The following ZNF678 variants were observed in gnomAD, a reference collection of about 807,000 sequenced individuals.
The protein encoded by ZNF678 is hypothetical protein MGC42493.
In ZNF678, 5 loss-of-function variants were observed where a neutral mutation model predicts 3.0. The observed-to-expected ratio is 1.69, with a 90% confidence interval of 0.88 to 3.56. ZNF678 has a LOEUF of 3.56. ZNF678 is among the 30% of genes most tolerant of loss of function. The probability of loss-of-function intolerance (pLI) is 0.00; values close to 1 mark genes in which losing one functional copy is unlikely to be tolerated. For missense variants in ZNF678, 593 were observed against 605.0 expected (o/e 0.98, Z 0.21); for synonymous variants, 218 against 199.6 (o/e 1.09, Z -0.78).
chr1:227,573,651 G>A (rs1166242476), intron 1 of ZNF678, among the ~76,000 whole-genome samples: 2 of 120,684 alleles, frequency 1.7e-5, no homozygotes, highest in African/African-American at 7.1e-5. Context: ...TTAGCACTCA[G>A]TACTGCTTTT....
chr1:227,606,537 C>T (rs1191465238), intron 1 of ZNF678, among the ~76,000 whole-genome samples: 1 of 152,188 alleles, frequency 6.6e-6, no homozygotes, highest in Non-Finnish European at 1.5e-5. Flanking sequence ...GAATCAGAGG[C>T]CTTCCTCTTA....
chr1:227,580,559 A>G (rs951308517), intron 1 of ZNF678, among the ~76,000 whole-genome samples: 15 of 152,270 alleles, frequency 9.9e-5, no homozygotes, highest in African/African-American at 3.6e-4. Context: ...TTCTGTCAAG[A>G]ACATTAACAT....
chr1:227,603,119 A>G (rs1657776459), intron 1 of ZNF678, among the ~76,000 whole-genome samples: 1 of 152,186 alleles, frequency 6.6e-6, no homozygotes, highest in Non-Finnish European at 1.5e-5. Flanking sequence ...TGGCTGCCTC[A>G]GCATCTCCAC....
intron 5 of ZNF678, among the ~76,000 whole-genome samples, chr1:227,669,646 CAA>C (rs113306077): frequency 1.9e-4 from 26 of 138,350 alleles, no homozygotes; most frequent in Middle Eastern, 3.9e-3. Flanking sequence ...GAGACCGTCT[CAA>C]AAAAAAAAAA....
In ZNF678 at chr1:227,638,623, T is replaced by C. The variant is rs1457789664; in HGVS notation, c.-163-7921T>C. On this transcript the variant is annotated intron_variant, in intron 1 of 3. Coordinates refer to ENST00000343776, the MANE Select transcript of ZNF678 (RefSeq NM_001367909.1). This position sits in a 1 kb window ranked among gnomAD's most constrained non-coding sequence, Gnocchi z 4.2. Reference sequence around the variant, plus strand: ...GTTTTAAGGTGGGAGGTTGGAGGAGTAGAAGAAAGTTAGAAGTACCACAGG... The same window carrying C: ...GTTTTAAGGTGGGAGGTTGGAGGAGCAGAAGAAAGTTAGAAGTACCACAGG... 1.3e-5 allele frequency among the ~76,000 whole-genome samples: 2 copies of C among 151,188 alleles called. No homozygotes were observed. Among genetic ancestry groups the C allele is most frequent in the Non-Finnish European group, 2.9e-5 (2 of 67,814 alleles).
At chr1:227,672,293 A>C (rs1659615174) in intron 5 of ZNF678, among the ~76,000 whole-genome samples, 1 of 152,098 alleles carries the variant, frequency 6.6e-6, no homozygotes, top group African/African-American at 2.4e-5. Flanking sequence ...AAAAGGGAGA[A>C]ATTTCTGAGT....
chr1:227,679,534 T>A (rs1393423509), downstream of ZNF678, among the ~76,000 whole-genome samples: 4 of 149,916 alleles, frequency 2.7e-5, no homozygotes, highest in African/African-American at 7.4e-5. Context: ...GCTCAATTGA[T>A]CATGACCCCC....
chr1:227,629,871 A>G (rs1164458840), intron 1 of ZNF678, among the ~76,000 whole-genome samples: 1 of 151,916 alleles, frequency 6.6e-6, no homozygotes, highest in Non-Finnish European at 1.5e-5. Context: ...TTAGGCATTC[A>G]ATTTGCCCAG....
intron 1 of ZNF678, chr1:227,582,560 C>T: frequency 8.0e-6 from 2 of 249,374 alleles, no homozygotes; most frequent in Non-Finnish European, 1.7e-5. Flanking sequence ...AACTCCTTCC[C>T]TCAAGTGATT....
chr1:227,652,017 G>A (rs895045096), intron 3 of ZNF678, among the ~76,000 whole-genome samples: 30 of 152,022 alleles, frequency 2.0e-4, no homozygotes, highest in Non-Finnish European at 7.4e-5. Flanking sequence ...TTTTCTCTTT[G>A]CATTTCAAAT....
At chr1:227,565,777 T>A (rs1275259504) in intron 1 of ZNF678, among the ~76,000 whole-genome samples, 1 of 152,204 alleles carries the variant, frequency 6.6e-6, no homozygotes, top group African/African-American at 2.4e-5. Flanking sequence ...ATTTATTTTT[T>A]GAGACGGAGT....
intron 1 of ZNF678, among the ~76,000 whole-genome samples, chr1:227,612,313 C>T (rs754705084): frequency 1.6e-4 from 24 of 152,186 alleles, no homozygotes; most frequent in Non-Finnish European, 2.4e-4. Flanking sequence ...TTTCATCCTC[C>T]TGGCTGTTGA....
chr1:227,594,711 G>A (rs1410928458), intron 1 of ZNF678, among the ~76,000 whole-genome samples: 4 of 151,888 alleles, frequency 2.6e-5, no homozygotes, highest in East Asian at 1.9e-4. Flanking sequence ...CCTCTTTCAC[G>A]ACTTTTGCAG....
At chr1:227,579,752 C>A (rs1279374488) in intron 1 of ZNF678, among the ~76,000 whole-genome samples, 3 of 152,154 alleles carry the variant, frequency 2.0e-5, no homozygotes, top group Non-Finnish European at 4.4e-5. Flanking sequence ...GGCCCCAGGA[C>A]AGGCCAGCAG....
chr1:227,651,085 T>A lies in ZNF678; in HGVS notation c.85+9T>A, dbSNP rs765419682. Reference sequence around the variant, plus strand: ...TAAACTGGTTTATACAGGTAAAGATTTTATCCTATTGGGTCTCCAGGCTGA... The same window carrying A: ...TAAACTGGTTTATACAGGTAAAGATATTATCCTATTGGGTCTCCAGGCTGA... On this transcript the variant is annotated intron_variant, in intron 3 of 3. Transcript: ENST00000343776. 1 of 1,612,640 alleles carries A rather than the reference T, an allele frequency of 6.2e-7. No individual in the cohort carries two copies. The highest frequency in any genetic ancestry group is 8.5e-7 in the Non-Finnish European group (1 of 1,179,222).
At chr1:227,616,381 C>T (rs1388073574) in intron 1 of ZNF678, among the ~76,000 whole-genome samples, 3 of 152,202 alleles carry the variant, frequency 2.0e-5, no homozygotes, top group African/African-American at 7.2e-5. Flanking sequence ...GGCCCATTCC[C>T]GACATTCCCT....
intron 1 of ZNF678, among the ~76,000 whole-genome samples, chr1:227,634,079 T>C (rs1658616759): frequency 6.6e-6 from 1 of 152,194 alleles, no homozygotes; most frequent in Middle Eastern, 3.2e-3. Context: ...GGAGGCTCCC[T>C]TTCCAAACCC....
At position 227,655,409 on chromosome 1, in the gene ZNF678, A is replaced by T; in HGVS notation, c.1159A>T (p.Asn387Tyr). The T allele has an allele frequency of 6.2e-7, 1 of 1,612,486 alleles. No individual in the cohort carries two copies. The highest frequency in any genetic ancestry group is 8.5e-7 in the Non-Finnish European group (1 of 1,179,226). The change falls in exon 4 of 4, where the codon AAC becomes TAC. Residue 387 changes from asparagine to tyrosine, a missense_variant. Coordinates refer to ENST00000343776, the MANE Select transcript of ZNF678 (RefSeq NM_001367909.1). ...ATGCAAAGAATGTGGCAAAGCGTTT[A>T]ACAAGTTCTCAAGCCTTACTCAACA... ...YKCKECGKAF[N>Y]KFSSLTQHRR... is the part of the protein sequence containing the mutation.
chr1:227,663,999 C>A (rs560849822), downstream of ZNF678, among the ~76,000 whole-genome samples: 2 of 152,272 alleles, frequency 1.3e-5, no homozygotes, highest in South Asian at 4.1e-4. Flanking sequence ...TTTTATTGAT[C>A]TCCTGCATGG....
Sources: gnomAD v4.1 joint callset for allele counts (sites outside exome capture counted in the v4.1 genomes callset) on GRCh38, gnomAD v4.1.1 for gene constraint, Gnocchi (gnomAD v3.1) non-coding constraint, MANE v1.5 for transcripts, NCBI Gene and HGNC (gene_info 2026-07-23, HGNC 2026-07-21) for gene names.